Variants in CERS1 observed in about 807,000 individuals in gnomAD.
CERS1 encodes ceramide synthase 1, also known as Embryonic growth/differentiation factor 1.
A neutral mutation model predicts 35.7 loss-of-function variants in CERS1; 16 were observed. That is an observed-to-expected ratio of 0.45 (90% confidence interval 0.30 to 0.68). The LOEUF (loss-of-function observed/expected upper bound fraction) is 0.68. Ranked by LOEUF, CERS1 falls within the 30% of genes least tolerant of loss-of-function variation. CERS1 has a pLI of 0.08. For missense variants in CERS1, 454 were observed against 453.9 expected (o/e 1.00, Z 0.00); for synonymous variants, 243 against 201.6 (o/e 1.21, Z -1.74).
chr19:18,878,279 C>G lies in CERS1; in HGVS notation c.1010+651G>C, dbSNP rs1030287490. On this transcript the variant is annotated intron_variant, in intron 6 of 7. Transcript: ENST00000623882. The surrounding 1 kb of genome is among the most constrained non-coding windows in gnomAD (Gnocchi z 4.6). ...CTTGTTACCCAGTTTGGCCTCCGTT[C>G]ATCCCTGGCCCAGACACCCCCTGCC... The G allele has an allele frequency of 1.0e-6, 1 of 985,732 alleles. No homozygotes were observed. Among genetic ancestry groups the G allele is most frequent in the African/African-American group, 1.7e-5 (1 of 57,172 alleles). 61.1% of individuals were successfully genotyped at this position (985,732 alleles called of 1,614,324 possible).
At position 18,868,921 on chromosome 19, in the gene CERS1, GC is replaced by G; in HGVS notation, c.*1063del. On this transcript the variant is annotated 3_prime_UTR_variant, in exon 8 of 8. Coordinates refer to ENST00000623882, the MANE Select transcript of CERS1 (RefSeq NM_021267.5). ...CGTACAGCCGCCGCGCGCGACAAGC[GC>G]CCCCGGGGCCGCCGCCCAACACGGG... 13 of 1,336,962 alleles carry G rather than the reference GC, an allele frequency of 9.7e-6. No individual in the cohort carries two copies. The highest frequency in any genetic ancestry group is 6.0e-5 in the Admixed American group (2 of 33,258). 82.8% of individuals were successfully genotyped at this position (1,336,962 alleles called of 1,614,324 possible). A position where few individuals can be genotyped will look rare whatever the true frequency, so the allele number is the denominator to read the frequency against.
In CERS1 at chr19:18,884,235, T is replaced by C; in HGVS notation, c.442A>G (p.Ile148Val). 6.2e-7 allele frequency: 1 copy of C among 1,613,212 alleles called. No homozygotes were observed. The highest frequency in any genetic ancestry group is 8.5e-7 in the Non-Finnish European group (1 of 1,179,768). ...CCCTGGAGCAGGTAGGCGGCTGCAATGTCCCGTGGCACTGCCATGCCCGGC... is the reference window on the plus strand; with the variant it reads ...CCCTGGAGCAGGTAGGCGGCTGCAACGTCCCGTGGCACTGCCATGCCCGGC... ...WTPGMAVPRDIAAAYLLQGSF... is the reference protein window; with the variant it reads ...WTPGMAVPRDVAAAYLLQGSF... The change falls in exon 3 of 8, where the codon ATT (isoleucine) becomes GTT (valine). Residue 148 changes from isoleucine (I) to valine (V), a missense_variant. Ile to Val is a conservative substitution (Grantham distance 29). Transcript: ENST00000623882.
chr19:18,869,455 T>G (rs2055921860), intron 7 of CERS1, 65 bp from the exon 8 acceptor site: 1 of 1,501,820 alleles, frequency 6.7e-7, no homozygotes, highest in Non-Finnish European at 8.8e-7. Context: ...GGGTCTCGGT[T>G]AGGGACAGGG....
At chr19:18,892,235 G>A (rs376334622) in intron 2 of CERS1, among the ~76,000 whole-genome samples, 2 of 151,526 alleles carry the variant, frequency 1.3e-5, no homozygotes, top group East Asian at 2.0e-4. Flanking sequence ...GGTGCAAGCC[G>A]AGGGGACCCT....
chr19:18,870,236 C>T lies in CERS1; in HGVS notation c.*341G>A. 1 of 1,549,270 alleles carries T rather than the reference C, an allele frequency of 6.5e-7. No homozygotes were observed. Among genetic ancestry groups the T allele is most frequent in the South Asian group, 1.2e-5 (1 of 84,462 alleles). ...GGGGCACGGGGGCGCGGGTCAGGGG[C>T]AGCGAGGGCAGCAGCAGGGCCAGGA... On this transcript the variant is annotated 3_prime_UTR_variant, in exon 7 of 8. Coordinates refer to ENST00000623882, the MANE Select transcript of CERS1 (RefSeq NM_021267.5). The surrounding 1 kb of genome is among the most constrained non-coding windows in gnomAD (Gnocchi z 5.1).
intron 2 of CERS1, among the ~76,000 whole-genome samples, chr19:18,885,634 C>T (rs966672409): frequency 6.6e-6 from 1 of 151,332 alleles, no homozygotes; most frequent in Non-Finnish European, 1.5e-5. Flanking sequence ...ATTCTCCTGC[C>T]TCAGCATGCC....
rs746909154 is a variant in CERS1, at chr19:18,880,344, G to T, written c.682C>A (p.Arg228Ser). The change falls in exon 4 of 8, where the codon CGC becomes AGC. Residue 228 changes from arginine to serine, a missense_variant. By Grantham distance (110) the Arg-to-Ser change is moderately radical. Coordinates refer to ENST00000623882, the MANE Select transcript of CERS1 (RefSeq NM_021267.5). ...FTKLNIYFKS[R>S]GGSYHRLHAL... ...TGCAGCCGATGGTAGGAGCCGCCGCGGGACTTGAAGTAAATGTTGAGCTTG... is the reference window on the plus strand; with the variant it reads ...TGCAGCCGATGGTAGGAGCCGCCGCTGGACTTGAAGTAAATGTTGAGCTTG... 1.3e-6 allele frequency: 2 copies of T among 1,560,678 alleles called. No individual in the cohort carries two copies. Among genetic ancestry groups the T allele is most frequent in the Non-Finnish European group, 1.7e-6 (2 of 1,152,574 alleles).
At position 18,878,512 on chromosome 19, in the gene CERS1, G is replaced by A. The variant is rs1043528535; in HGVS notation, c.1010+418C>T. The stretch of plus-strand genomic sequence containing the variant: ...CAGATGGAGCCTGGGTTCTCTCTGT[G>A]GCCCTTGGCGTTCCTTCCTCCCCAG... On this transcript the variant is annotated intron_variant, in intron 6 of 7. Transcript: ENST00000623882. The surrounding 1 kb of genome is among the most constrained non-coding windows in gnomAD (Gnocchi z 4.6). The A allele has an allele frequency of 7.9e-6, 8 of 1,012,092 alleles. No individual in the cohort carries two copies. Among genetic ancestry groups the A allele is most frequent in the African/African-American group, 1.7e-5 (1 of 57,862 alleles). The allele number at this position is 1,012,092 out of a possible 1,614,324, so 62.7% of individuals were successfully genotyped here. A position where few individuals can be genotyped will look rare whatever the true frequency, so the allele number is the denominator to read the frequency against.
chr19:18,879,119 C>CG (rs1389365051), intron 5 of CERS1, 80 bp from the exon 6 acceptor site: 20 of 1,585,744 alleles, frequency 1.3e-5, no homozygotes, highest in Non-Finnish European at 1.7e-5. Flanking sequence ...GCTCCTGTCC[C>CG]GGGCCCTCCA....
chr19:18,896,940 C>T (rs1466193448), upstream of CERS1, among the ~76,000 whole-genome samples: 1 of 152,092 alleles, frequency 6.6e-6, no homozygotes, highest in Non-Finnish European at 1.5e-5. This position sits in a 1 kb window ranked among gnomAD's most constrained non-coding sequence, Gnocchi z 5.9. Flanking sequence ...GGGGGCTCCC[C>T]AACATCAGGT....
In CERS1 at chr19:18,880,220, A is replaced by T; in HGVS notation, c.752+54T>A. On this transcript the variant is annotated intron_variant, in intron 4 of 7. Transcript: ENST00000623882. ...CTGGTCCCGCCCCTTTTCTGGACACACCCACCTCACCAGGCCACACCTCCC... is the reference window on the plus strand; with the variant it reads ...CTGGTCCCGCCCCTTTTCTGGACACTCCCACCTCACCAGGCCACACCTCCC... The T allele has an allele frequency of 9.5e-6, 14 of 1,477,156 alleles. No individual in the cohort carries two copies. In the South Asian group the frequency reaches 1.9e-4, roughly 20 times the overall value. 91.5% of individuals were successfully genotyped at this position (1,477,156 alleles called of 1,614,324 possible). A position where few individuals can be genotyped will look rare whatever the true frequency, so the allele number is the denominator to read the frequency against.
chr19:18,885,660 C>T (rs1601175943), intron 2 of CERS1, among the ~76,000 whole-genome samples: 1 of 151,546 alleles, frequency 6.6e-6, no homozygotes, highest in East Asian at 1.9e-4. Flanking sequence ...GCTGGGATTA[C>T]AGGCACCCAC....
rs192150956 is a variant in CERS1 at position 18,885,762 on chromosome 19, G to A, written c.410-1495C>T. Among the ~76,000 whole-genome samples, 659 of 146,826 alleles carry A rather than the reference G, an allele frequency of 4.5e-3. 2 individuals are homozygous for A. Among genetic ancestry groups the A allele is most frequent in the African/African-American group, 0.016 (620 of 39,632 alleles). On this transcript the variant is annotated intron_variant, in intron 2 of 7. Transcript: ENST00000623882. ...TCTTGAACTCCTGACCTTGTGATCC[G>A]CCCGCCTCGGCCTCCCAAAGTGCTG...
intron 3 of CERS1, 63 bp from the exon 4 acceptor site, chr19:18,880,498 A>G: frequency 1.4e-6 from 2 of 1,468,856 alleles, no homozygotes; most frequent in South Asian, 2.7e-5. Context: ...ACTCTGCACT[A>G]AGGCCCCCAG....
rs918114133 is a variant in CERS1 at position 18,895,909 on chromosome 19, A to T, written c.164T>A (p.Leu55Gln). ...ARRGLAEHAH[L>Q]APPELLLLAL... ...CAGCAGCAGCAGCTCGGGCGGCGCC[A>T]GGTGCGCGTGCTCAGCCAGGCCGCG... Residue 55 changes from leucine to glutamine, a missense_variant, in exon 1 of 8, where the codon CTG becomes CAG. Physicochemically the swap from Leu to Gln is moderately radical, Grantham distance 113 (BLOSUM62 -2). Coordinates refer to ENST00000623882, the MANE Select transcript of CERS1 (RefSeq NM_021267.5). The surrounding 1 kb of genome is among the most constrained non-coding windows in gnomAD (Gnocchi z 6.4). The T allele has an allele frequency of 2.4e-4, 306 of 1,249,826 alleles. No individual in the cohort carries two copies. The highest frequency in any genetic ancestry group is 3.0e-4 in the Non-Finnish European group (302 of 995,868). 77.4% of individuals were successfully genotyped at this position (1,249,826 alleles called of 1,614,324 possible).
chr19:18,888,905 T>C (rs2056428227), intron 2 of CERS1, among the ~76,000 whole-genome samples: 1 of 149,562 alleles, frequency 6.7e-6, no homozygotes, highest in African/African-American at 2.5e-5. Context: ...TTTTTTTTTT[T>C]TTTTGAGACA....
chr19:18,875,444 G>A (rs923795817), intron 6 of CERS1, among the ~76,000 whole-genome samples: 1 of 151,778 alleles, frequency 6.6e-6, no homozygotes, highest in Non-Finnish European at 1.5e-5. Context: ...TCAGGAGGCT[G>A]AGGCAGGAGA....
In CERS1 at chr19:18,895,863, C is replaced by G; in HGVS notation, c.210G>C (p.Trp70Cys). ...CAGTGGCCGCGGAGCGCAGGGCGGT[C>G]CAGCCCAGCGCGCCGAGCGCCAGCA... is the stretch of plus-strand genomic sequence containing the variant. The part of the protein sequence containing the change: ...LLLLALGALG[W>C]TALRSAATAR... The change falls in exon 1 of 8, where the codon TGG becomes TGC. Residue 70 changes from tryptophan (W) to cysteine (C), a missense_variant. Physicochemically the swap from Trp to Cys is radical, Grantham distance 215. Transcript: ENST00000623882. This position sits in a 1 kb window ranked among gnomAD's most constrained non-coding sequence, Gnocchi z 6.4. The G allele has an allele frequency of 7.7e-7, 1 of 1,294,716 alleles. No individual in the cohort carries two copies. The highest frequency in any genetic ancestry group is 9.8e-7 in the Non-Finnish European group (1 of 1,021,904). 80.2% of individuals were successfully genotyped at this position (1,294,716 alleles called of 1,614,324 possible). A position where few individuals can be genotyped will look rare whatever the true frequency, so the allele number is the denominator to read the frequency against.
chr19:18,892,680 C>G (rs1000660977), intron 2 of CERS1, among the ~76,000 whole-genome samples: 5 of 152,166 alleles, frequency 3.3e-5, no homozygotes, highest in African/African-American at 1.2e-4. Flanking sequence ...TGCAGCCACC[C>G]TCCTCCTGTC....
Sources: gnomAD v4.1 joint callset for allele counts (sites outside exome capture counted in the v4.1 genomes callset) on GRCh38, gnomAD v4.1.1 for gene constraint, Gnocchi (gnomAD v3.1) non-coding constraint, MANE v1.5 for transcripts, NCBI Gene and HGNC (gene_info 2026-07-23, HGNC 2026-07-21) for gene names.